SRGAP3: variants seen among roughly 807,000 people sequenced by gnomAD.
SRGAP3 encodes SLIT-ROBO Rho GTPase activating protein 3, also known as SLIT-ROBO Rho GTPase-activating protein 3.
Under a neutral mutation model 121.1 loss-of-function variants are expected in SRGAP3, and 39 were observed. The ratio of observed to expected loss-of-function variants is 0.32; its 90% CI spans 0.25 to 0.42. The LOEUF (loss-of-function observed/expected upper bound fraction) is 0.42, where lower values mean the gene tolerates loss of function less well. Ranked by LOEUF, SRGAP3 falls within the 10% of genes least tolerant of loss-of-function variation. The pLI is 1.00. For synonymous variants in SRGAP3, 601 were observed against 570.0 expected, an observed-to-expected ratio of 1.05 and a Z score of -0.77; for missense variants, 1,213 against 1,470.6, an observed-to-expected ratio of 0.82 and a Z score of 2.86.
intron 9 of SRGAP3, among the ~76,000 whole-genome samples, chr3:9,048,709 A>T (rs1327820141): frequency 6.6e-6 from 1 of 152,194 alleles, no homozygotes; most frequent in African/African-American, 2.4e-5. Flanking sequence ...CTGTGGTGCC[A>T]GCTACTCAGG....
chr3:9,266,244 G>T (rs80099319), intron 3 of SRGAP3, among the ~76,000 whole-genome samples: 1 of 152,126 alleles, frequency 6.6e-6, no homozygotes, highest in Non-Finnish European at 1.5e-5. Flanking sequence ...CAAGGAAAGG[G>T]ATAGCATTAG....
intron 3 of SRGAP3, among the ~76,000 whole-genome samples, chr3:9,297,006 T>A (rs1174553451): frequency 6.6e-6 from 1 of 152,124 alleles, no homozygotes; most frequent in Non-Finnish European, 1.5e-5. Context: ...TACCTCAGCC[T>A]CCAAGGTAGC....
intron 1 of SRGAP3, among the ~76,000 whole-genome samples, chr3:9,206,757 G>C (rs1313898915): frequency 2.6e-5 from 4 of 151,982 alleles, no homozygotes; most frequent in Non-Finnish European, 5.9e-5. Context: ...CCTAAAACAG[G>C]ACATTCTCTC....
intron 1 of SRGAP3, among the ~76,000 whole-genome samples, chr3:9,361,484 T>C (rs2030827499): frequency 6.6e-6 from 1 of 152,174 alleles, no homozygotes. Context: ...TTGGGTTCCT[T>C]TCACAATAAG....
At chr3:9,162,886 G>A (rs1950644529) in intron 1 of SRGAP3, among the ~76,000 whole-genome samples, 1 of 152,248 alleles carries the variant, frequency 6.6e-6, no homozygotes, top group Non-Finnish European at 1.5e-5. Flanking sequence ...GTACAGCAGA[G>A]GCAGTGTCTG....
chr3:9,277,879 G>A (rs180983506), intron 3 of SRGAP3, among the ~76,000 whole-genome samples: 2 of 152,288 alleles, frequency 1.3e-5, no homozygotes, highest in African/African-American at 4.8e-5. Context: ...TAGGAGATAG[G>A]ACCTTTGGGG....
At chr3:9,198,789 T>C (rs771771814) in intron 1 of SRGAP3, among the ~76,000 whole-genome samples, 9 of 152,158 alleles carry the variant, frequency 5.9e-5, no homozygotes, top group Non-Finnish European at 1.0e-4. Flanking sequence ...GACTGTCCTT[T>C]CTTCTAAAGG....
intron 7 of SRGAP3, among the ~76,000 whole-genome samples, chr3:9,057,031 G>T (rs1945855352): frequency 6.6e-6 from 1 of 152,200 alleles, no homozygotes; most frequent in Non-Finnish European, 1.5e-5. Flanking sequence ...ACAGGCACCT[G>T]CCACCATGCC....
At chr3:9,214,537 C>T (rs1952552265) in intron 1 of SRGAP3, among the ~76,000 whole-genome samples, 1 of 152,156 alleles carries the variant, frequency 6.6e-6, no homozygotes, top group Non-Finnish European at 1.5e-5. Context: ...AGATAAACAG[C>T]AAAGCAGTTA....
intron 1 of SRGAP3, among the ~76,000 whole-genome samples, chr3:9,347,869 A>AGTTCTTT (rs1289279757): frequency 5.3e-5 from 8 of 152,358 alleles, no homozygotes; most frequent in African/African-American, 1.4e-4. Flanking sequence ...GAACTGATCT[A>AGTTCTTT]CTGAGTAATA....
intron 1 of SRGAP3, among the ~76,000 whole-genome samples, chr3:9,141,766 G>A (rs902589801): frequency 6.6e-6 from 1 of 152,070 alleles, no homozygotes; most frequent in African/African-American, 2.4e-5. Context: ...AACCCCTTTC[G>A]GTCATCACTA....
chr3:9,027,413 C>T (rs1489430834), intron 12 of SRGAP3, among the ~76,000 whole-genome samples: 2 of 152,146 alleles, frequency 1.3e-5, no homozygotes, highest in African/African-American at 4.8e-5. Context: ...CCTATTACTG[C>T]AGTACCTGAT....
chr3:9,185,184 T>G (rs1370647652), intron 1 of SRGAP3, among the ~76,000 whole-genome samples: 1 of 152,232 alleles, frequency 6.6e-6, no homozygotes, highest in Non-Finnish European at 1.5e-5. Context: ...GGGGCATTTG[T>G]GGTTTCACAA....
At chr3:9,182,810 T>C (rs1951463128) in intron 1 of SRGAP3, among the ~76,000 whole-genome samples, 2 of 152,068 alleles carry the variant, frequency 1.3e-5, no homozygotes, top group East Asian at 1.9e-4. Context: ...TGTGCCACCA[T>C]GCCTGGTTAA....
intron 1 of SRGAP3, among the ~76,000 whole-genome samples, chr3:9,247,712 G>A (rs1953872549): frequency 6.6e-6 from 1 of 152,176 alleles, no homozygotes; most frequent in African/African-American, 2.4e-5. Context: ...TCAAAGATAG[G>A]CCTCAAGGTC....
In SRGAP3 at chr3:9,195,931, G is replaced by A. The variant is rs1951901774; in HGVS notation, c.67+52954C>T. Among the ~76,000 whole-genome samples the A allele has an allele frequency of 2.0e-5, 3 of 152,108 alleles. No individual in the cohort carries two copies. In the South Asian group the frequency reaches 6.2e-4, roughly 32 times the overall value. On this transcript the variant is annotated intron_variant, in intron 1 of 21. Transcript: ENST00000383836. ...TGATCACACCATTGCACTCCAACCT[G>A]GGTGATAGAGCAAGACCCTGTCTCC...
intron 1 of SRGAP3, among the ~76,000 whole-genome samples, chr3:9,136,397 C>A (rs1162104816): frequency 3.4e-5 from 2 of 58,788 alleles, no homozygotes; most frequent in African/African-American, 7.9e-5. Flanking sequence ...CGCTGGGACC[C>A]CCCCCCCCCC....
rs71049774 is a variant in SRGAP3, at chr3:9,136,394, ACC to A, written c.68-11479_68-11478del. On this transcript the variant is annotated intron_variant, in intron 1 of 21. Transcript: ENST00000383836. ...CGTTGCCACGGCAACCGTCGCTGGG[ACC>A]CCCCCCCCCCCCGACCGCCCCGCCC... Among the ~76,000 whole-genome samples, 232 of 35,306 alleles carry A rather than the reference ACC, an allele frequency of 6.6e-3. 4 individuals carry two copies. The highest frequency in any genetic ancestry group is 0.017 in the East Asian group (22 of 1,324). 23.2% of individuals were successfully genotyped at this position (35,306 alleles called of 152,430 possible). A position where few individuals can be genotyped will look rare whatever the true frequency, so the allele number is the denominator to read the frequency against.
intron 9 of SRGAP3, among the ~76,000 whole-genome samples, chr3:9,048,198 G>A (rs1945384473): frequency 6.6e-6 from 1 of 152,226 alleles, no homozygotes; most frequent in South Asian, 2.1e-4. Context: ...CAGAGAATAG[G>A]CCAGGACAGA....
Sources: gnomAD v4.1 joint callset for allele counts (sites outside exome capture counted in the v4.1 genomes callset) on GRCh38, gnomAD v4.1.1 for gene constraint, MANE v1.5 for transcripts, NCBI Gene and HGNC (gene_info 2026-07-23, HGNC 2026-07-21) for gene names.